Variants in ANO1 observed in about 807,000 individuals in gnomAD.
ANO1 encodes the protein anoctamin 1.
In ANO1, 59 loss-of-function variants were observed where a neutral mutation model predicts 124.0. That is an observed-to-expected ratio of 0.48 (90% CI 0.39 to 0.59). ANO1 has a LOEUF of 0.59. Among genes scored for constraint, ANO1 ranks in the 20% least tolerant of loss-of-function variants. The probability of loss-of-function intolerance (pLI) is 0.00; values close to 1 mark genes in which losing one functional copy is unlikely to be tolerated. For missense variants in ANO1, 1,059 were observed against 1,328.0 expected (o/e 0.80, Z 3.15); for synonymous variants, 529 against 532.0 (o/e 0.99, Z 0.08).
chr11:70,178,002 C>T (rs769894392), intron 22 of ANO1, among the ~76,000 whole-genome samples: 4 of 152,252 alleles, frequency 2.6e-5, no homozygotes, highest in Non-Finnish European at 5.9e-5. Context: ...TGGGGCCTGC[C>T]TGCCACCGCT....
chr11:70,033,936 G>T (rs1183061059), intron 1 of ANO1, among the ~76,000 whole-genome samples: 2 of 151,658 alleles, frequency 1.3e-5, no homozygotes, highest in Non-Finnish European at 2.9e-5. Flanking sequence ...TCACTATCTT[G>T]AAATAAGTAA....
chr11:70,103,159 A>G lies in ANO1; in HGVS notation c.535A>G (p.Lys179Glu). The G allele has an allele frequency of 6.2e-7, 1 of 1,609,826 alleles. No individual in the cohort carries two copies. Among genetic ancestry groups the G allele is most frequent in the Non-Finnish European group, 8.5e-7 (1 of 1,178,006 alleles). Residue 179 changes from lysine to glutamate, a missense_variant, in exon 3 of 26, where the codon AAG becomes GAG. Physicochemically the swap from Lys to Glu is moderately conservative, Grantham distance 56. Around this residue, in one of 2 missense-constraint regions of ANO1, gnomAD observed 809 missense variants for 1,094.9 expected, o/e 0.74. Coordinates refer to ENST00000355303, the MANE Select transcript of ANO1 (RefSeq NM_018043.7). Reference sequence around the variant, plus strand: ...GTTTCTGAAACTGAAGATGCCGACGAAGAAGGTTGGTGTTGATGGTCCTGC... The same window carrying G: ...GTTTCTGAAACTGAAGATGCCGACGGAGAAGGTTGGTGTTGATGGTCCTGC... Reference protein sequence around the residue: ...AEFLKLKMPTKKMYHINETRG... With the variant: ...AEFLKLKMPTEKMYHINETRG...
At chr11:70,094,447 G>A (rs61887669) in intron 2 of ANO1, among the ~76,000 whole-genome samples, 33 of 152,196 alleles carry the variant, frequency 2.2e-4, no homozygotes, top group African/African-American at 7.2e-4. Context: ...AGAATCGGGG[G>A]TGGGGGCCTG....
chr11:70,112,362 G>A (rs997515458), intron 7 of ANO1, among the ~76,000 whole-genome samples: 1 of 152,210 alleles, frequency 6.6e-6, no homozygotes, highest in South Asian at 2.1e-4. Flanking sequence ...CTTTGCAAAT[G>A]TGCAAAGGCC....
intron 1 of ANO1, chr11:70,072,324 G>A (rs1857891236): frequency 6.6e-6 from 1 of 152,306 alleles, no homozygotes; most frequent in Non-Finnish European, 1.5e-5. Flanking sequence ...CTGCAGTACA[G>A]AGACCCCCAA....
chr11:69,977,702 C>T, the ANO1 span, among the ~76,000 whole-genome samples: 1 of 152,224 alleles, frequency 6.6e-6, no homozygotes. Flanking sequence ...ATTTCAAGGA[C>T]AATGCAGCCA....
intron 2 of ANO1, among the ~76,000 whole-genome samples, chr11:70,088,735 G>T (rs1429192955): frequency 6.6e-6 from 1 of 152,158 alleles, no homozygotes; most frequent in African/African-American, 2.4e-5. Flanking sequence ...TGCCAATCGG[G>T]GGAGGGAGGA....
At chr11:69,994,979 T>A (rs899830032) in intron 1 of ANO1, among the ~76,000 whole-genome samples, 16 of 152,204 alleles carry the variant, frequency 1.1e-4, no homozygotes, top group Admixed American at 5.9e-4. Context: ...CTCTACAGAA[T>A]TATTGCAAAG....
intron 7 of ANO1, among the ~76,000 whole-genome samples, chr11:70,113,002 C>T (rs964150300): frequency 2.6e-5 from 4 of 152,288 alleles, no homozygotes; most frequent in South Asian, 4.1e-4. Flanking sequence ...GTCACCTCGT[C>T]GCCTCCCTGT....
intron 1 of ANO1, among the ~76,000 whole-genome samples, chr11:70,059,073 T>A (rs1449889118): frequency 1.3e-5 from 2 of 151,072 alleles, no homozygotes; most frequent in Non-Finnish European, 2.9e-5. Context: ...GCGCCTGCAG[T>A]CCCAGCTACT....
intron 11 of ANO1, among the ~76,000 whole-genome samples, chr11:70,136,016 C>T (rs553545517): frequency 3.3e-5 from 5 of 152,216 alleles, no homozygotes; most frequent in Admixed American, 3.3e-4. Flanking sequence ...CCCCTCCCCC[C>T]AGACCTCCCT....
At chr11:69,975,524 C>T in the ANO1 span, among the ~76,000 whole-genome samples, 1 of 152,240 alleles carries the variant, frequency 6.6e-6, no homozygotes, top group Non-Finnish European at 1.5e-5. Context: ...GAGGACCACC[C>T]CTGGAGCCCC....
At chr11:70,107,495 G>GTGGGGGGGGA (rs1565206946) in intron 5 of ANO1, among the ~76,000 whole-genome samples, 1 of 121,376 alleles carries the variant, frequency 8.2e-6, no homozygotes, top group South Asian at 2.7e-4. Flanking sequence ...GGAGGCGGCG[G>GTGGGGGGGGA]GGCGGGGAAG....
intron 1 of ANO1, among the ~76,000 whole-genome samples, chr11:70,053,252 A>G (rs1468584642): frequency 1.3e-5 from 2 of 152,004 alleles, no homozygotes; most frequent in African/African-American, 2.4e-5. Context: ...TTTCCTTTCC[A>G]ATCCATAACT....
intron 13 of ANO1, among the ~76,000 whole-genome samples, 191 bp downstream of exon 13, chr11:70,152,652 C>T (rs1022767265): frequency 1.3e-5 from 2 of 152,232 alleles, no homozygotes; most frequent in Admixed American, 6.5e-5. Flanking sequence ...CGCTGACCTG[C>T]GCTGAGCTCC....
At position 69,989,009 on chromosome 11, in the gene ANO1, G is replaced by A. The variant is rs958346274; in HGVS notation, c.58+2843G>A. 3.8e-4 allele frequency among the ~76,000 whole-genome samples: 58 copies of A among 151,988 alleles called. 2 individuals carry two copies. The highest frequency in any genetic ancestry group is 2.4e-3 in the Admixed American group (36 of 15,282). On this transcript the variant is annotated intron_variant, in intron 1 of 27. Transcript: ENST00000531349. ...GTAGGGAGGGAGGTAGGGAGGGACG[G>A]AGGGAGGGAGGGAAGGAAGGTGATG...
rs1178258706 is a variant in ANO1 at position 70,149,696 on chromosome 11, G to GC, written c.1259-10dup. On this transcript the variant is annotated splice_polypyrimidine_tract_variant and intron_variant, in intron 11 of 25. Transcript: ENST00000355303. ...TTATGTCATCAGAGACTCTGGTTTT[G>GC]CCCCTGCCCGCAGCTGCCACCTTCA... 6.2e-7 allele frequency: 1 copy of GC among 1,610,420 alleles called. No homozygotes were observed. Among genetic ancestry groups the GC allele is most frequent in the Non-Finnish European group, 8.5e-7 (1 of 1,178,524 alleles).
intron 1 of ANO1, among the ~76,000 whole-genome samples, chr11:69,990,892 T>G (rs1410997612): frequency 6.6e-6 from 1 of 152,212 alleles, no homozygotes; most frequent in Admixed American, 6.5e-5. Context: ...GATTTGCAAA[T>G]ATCTTCTCCC....
At chr11:70,162,268 A>G (rs563045117) in intron 18 of ANO1, among the ~76,000 whole-genome samples, 36 of 114,894 alleles carry the variant, frequency 3.1e-4, no homozygotes, top group South Asian at 6.4e-4. Context: ...AGGGCCCCGG[A>G]CAGTGGGGAC....
Sources: gnomAD v4.1 joint callset for allele counts (sites outside exome capture counted in the v4.1 genomes callset) on GRCh38, gnomAD v4.1.1 for gene constraint, gnomAD v4.1.1 regional missense constraint, MANE v1.5 for transcripts, NCBI Gene and HGNC (gene_info 2026-07-23, HGNC 2026-07-21) for gene names.